The following ALDH9A1 variants were observed in gnomAD, a reference collection of about 807,000 sequenced individuals.
ALDH9A1 encodes the protein 4-trimethylaminobutyraldehyde dehydrogenase.
A neutral mutation model predicts 56.6 loss-of-function variants in ALDH9A1; 42 were observed. The observed-to-expected ratio is 0.74, with a 90% confidence interval of 0.58 to 0.96. The LOEUF is 0.96. ALDH9A1 is among the 40% of genes least tolerant of loss of function. The pLI is 0.00. For synonymous variants in ALDH9A1, 242 were observed against 236.0 expected (o/e 1.03, Z -0.23); for missense variants, 661 against 651.5 (o/e 1.01, Z -0.16).
Position 165,667,357 on chromosome 1 carries a change from T to C in ALDH9A1, c.1301A>G (p.Glu434Gly). 4 of 1,614,104 alleles carry C rather than the reference T, an allele frequency of 2.5e-6. No individual in the cohort carries two copies. Among genetic ancestry groups the C allele is most frequent in the Non-Finnish European group, 2.5e-6 (3 of 1,179,984 alleles). Reference protein sequence around the residue: ...LSFDTEAEVLERANDTTFGLA... With the variant: ...LSFDTEAEVLGRANDTTFGLA... The stretch of plus-strand genomic sequence containing the variant: ...TCCAAAAGTGGTATCATTGGCTCTT[T>C]CTAGAACCTCAGCTTCAGTGTCAAA... Residue 434 changes from glutamate to glycine, a missense_variant, in exon 9 of 11, where the codon GAA (glutamate) becomes GGA (glycine). Physicochemically the swap from Glu to Gly is moderately conservative, Grantham distance 98. Coordinates refer to ENST00000354775, the MANE Select transcript of ALDH9A1 (RefSeq NM_000696.4).
At position 165,690,546 on chromosome 1, in the gene ALDH9A1, T is replaced by A. The variant is rs12566251; in HGVS notation, c.327+4706A>T. On this transcript the variant is annotated intron_variant, in intron 2 of 10. Coordinates refer to ENST00000354775, the MANE Select transcript of ALDH9A1 (RefSeq NM_000696.4). ...CTGCATTTCCAACAGAGGTACTGGGTTCATCTCATTAGGACTGGTTCACCT... is the reference window on the plus strand; with the variant it reads ...CTGCATTTCCAACAGAGGTACTGGGATCATCTCATTAGGACTGGTTCACCT... 2.7e-4 allele frequency among the ~76,000 whole-genome samples: 41 copies of A among 151,862 alleles called. No homozygotes were observed. The East Asian group carries it at 6.4e-3, about 24-fold the overall frequency.
chr1:165,676,496 A>G, intron 6 of ALDH9A1: 1 of 277,914 alleles, frequency 3.6e-6, no homozygotes, highest in Non-Finnish European at 6.8e-6. Context: ...AAACTGGAAG[A>G]GTCTACAATG....
intron 6 of ALDH9A1, among the ~76,000 whole-genome samples, chr1:165,672,076 C>T (rs1264261886): frequency 1.3e-5 from 2 of 152,208 alleles, no homozygotes; most frequent in African/African-American, 2.4e-5. Flanking sequence ...AAATTAAACA[C>T]TGAATTATCA....
intron 2 of ALDH9A1, among the ~76,000 whole-genome samples, chr1:165,690,299 CATACTT>C (rs972600762): frequency 1.3e-5 from 2 of 151,690 alleles, no homozygotes; most frequent in African/African-American, 4.8e-5. Flanking sequence ...TCTGACGTAA[CATACTT>C]ATGACAAAAA....
Position 165,674,972 on chromosome 1 carries a change from C to T in ALDH9A1, c.930+4470G>A, listed in dbSNP as rs969678057. On this transcript the variant is annotated intron_variant, in intron 6 of 10. Coordinates refer to ENST00000354775, the MANE Select transcript of ALDH9A1 (RefSeq NM_000696.4). ...CTTTGGAAGGCTGAGGCGGGTGGAT[C>T]GCCTGAGCTCAGGAGTTCAAGACCA... 3.3e-5 allele frequency among the ~76,000 whole-genome samples: 5 copies of T among 152,196 alleles called. No individual in the cohort carries two copies. In the East Asian group the frequency reaches 7.8e-4, roughly 24 times the overall value.
In ALDH9A1 at chr1:165,663,005, A is replaced by G; in HGVS notation, c.*45T>C. The G allele has an allele frequency of 1.3e-6, 2 of 1,542,360 alleles. No individual in the cohort carries two copies. Among genetic ancestry groups the G allele is most frequent in the Non-Finnish European group, 9.0e-7 (1 of 1,114,778 alleles). On this transcript the variant is annotated 3_prime_UTR_variant, in exon 11 of 11. Transcript: ENST00000354775. ...GCCTCTGTAAACAGGGCCAATTCAC[A>G]TCATTCCACAGCGTGGCCATGTCAA...
chr1:165,684,190 T>C (rs1461239830), intron 2 of ALDH9A1, among the ~76,000 whole-genome samples: 1 of 152,212 alleles, frequency 6.6e-6, no homozygotes, highest in Non-Finnish European at 1.5e-5. Context: ...GCCAGAGGTA[T>C]AAAGTGCTTT....
intron 10 of ALDH9A1, 39 bp downstream of exon 10, chr1:165,664,979 T>C (rs1455068067): frequency 6.6e-7 from 1 of 1,505,202 alleles, no homozygotes. Context: ...GACCTAGCTC[T>C]AGAGACCTAG....
At chr1:165,678,340 T>C (rs1482448460) in intron 6 of ALDH9A1, among the ~76,000 whole-genome samples, 3 of 151,832 alleles carry the variant, frequency 2.0e-5, no homozygotes, top group Non-Finnish European at 4.4e-5. Flanking sequence ...TCTCAAAAAA[T>C]AAGTAAGTAA....
chr1:165,680,042 T>G (rs1649492968), intron 5 of ALDH9A1, among the ~76,000 whole-genome samples: 1 of 150,022 alleles, frequency 6.7e-6, no homozygotes, highest in Non-Finnish European at 1.5e-5. Flanking sequence ...ATATTGTCAA[T>G]TCACAGGATT....
intron 1 of ALDH9A1, among the ~76,000 whole-genome samples, chr1:165,695,996 C>T (rs1389824921): frequency 2.6e-5 from 4 of 152,044 alleles, no homozygotes; most frequent in Admixed American, 2.0e-4. Context: ...GGATTACAGG[C>T]GCCTGCCACC....
chr1:165,679,080 T>C (rs979980440), intron 6 of ALDH9A1, among the ~76,000 whole-genome samples: 1 of 152,218 alleles, frequency 6.6e-6, no homozygotes. Context: ...TCAGTAACAG[T>C]ACTATATCAA....
chr1:165,684,006 T>C (rs1649633055), intron 2 of ALDH9A1, among the ~76,000 whole-genome samples: 3 of 152,194 alleles, frequency 2.0e-5, no homozygotes, highest in Admixed American at 2.0e-4. Context: ...TTTATAAAAC[T>C]GATAAGCAGT....
At chr1:165,676,736 G>A (rs1316728714) in intron 6 of ALDH9A1, 4 of 506,560 alleles carry the variant, frequency 7.9e-6, no homozygotes, top group East Asian at 6.3e-5. Context: ...AGAACCAACG[G>A]GAAGGAGCCT....
rs1016863027 is a variant in ALDH9A1, at chr1:165,663,152, G to A, written c.1463-8C>T. 6.8e-6 allele frequency: 11 copies of A among 1,611,750 alleles called. No homozygotes were observed. In the African/African-American group the frequency reaches 1.1e-4, roughly 16 times the overall value. ...CGTTCTCTCTGCCAAATCCTGAAAG[G>A]AGGAGAAGGGGTCAGGTTGAGCCAT... On this transcript the variant is annotated splice_polypyrimidine_tract_variant and splice_region_variant and intron_variant, in intron 10 of 10. Coordinates refer to ENST00000354775, the MANE Select transcript of ALDH9A1 (RefSeq NM_000696.4).
chr1:165,695,484 AG>A, intron 1 of ALDH9A1, 87 bp from the exon 2 acceptor site: 2 of 508,244 alleles, frequency 3.9e-6, no homozygotes, highest in Non-Finnish European at 5.7e-6. Context: ...TCTTAGTAGT[AG>A]TCTTTTTTTT....
intron 8 of ALDH9A1, among the ~76,000 whole-genome samples, 162 bp from the exon 9 acceptor site, chr1:165,667,612 G>C (rs930423117): frequency 1.3e-5 from 2 of 151,894 alleles, no homozygotes; most frequent in African/African-American, 4.8e-5. Context: ...AAGTGCTGGG[G>C]GTGTTCCACT....
chr1:165,697,980 G>C (rs1201677240), intron 1 of ALDH9A1, among the ~76,000 whole-genome samples: 1 of 152,202 alleles, frequency 6.6e-6, no homozygotes, highest in Non-Finnish European at 1.5e-5. Context: ...AGTGAGCTCT[G>C]AGATGGTGCC....
chr1:165,690,148 A>T (rs1056598869), intron 2 of ALDH9A1, among the ~76,000 whole-genome samples: 1 of 146,502 alleles, frequency 6.8e-6, no homozygotes, highest in East Asian at 2.0e-4. Context: ...ATTATATATT[A>T]TTCTATGTGT....
Sources: gnomAD v4.1 joint callset for allele counts (sites outside exome capture counted in the v4.1 genomes callset) on GRCh38, gnomAD v4.1.1 for gene constraint, MANE v1.5 for transcripts, NCBI Gene and HGNC (gene_info 2026-07-23, HGNC 2026-07-21) for gene names.